Variants in SLC25A21 observed in about 807,000 individuals in gnomAD.
SLC25A21 encodes solute carrier family 25 member 21.
SLC25A21 carries 47 observed loss-of-function variants against 43.8 expected under a neutral mutation model. The observed-to-expected ratio is 1.07, with a 90% CI of 0.85 to 1.37. The LOEUF is 1.37. Ranked by LOEUF, SLC25A21 falls within the 40% of genes most tolerant of loss-of-function variation. The probability of loss-of-function intolerance (pLI) is 0.00; values close to 1 mark genes in which losing one functional copy is unlikely to be tolerated. For missense variants in SLC25A21, 352 were observed against 350.2 expected, an observed-to-expected ratio of 1.00 and a Z score of -0.04; for synonymous variants, 131 against 121.3, an observed-to-expected ratio of 1.08 and a Z score of -0.52.
chr14:37,142,758 C>G (rs1055171768), intron 1 of SLC25A21, among the ~76,000 whole-genome samples: 2 of 152,066 alleles, frequency 1.3e-5, no homozygotes. Flanking sequence ...TAGAAATGTC[C>G]GTTTTTCTCC....
intron 1 of SLC25A21, among the ~76,000 whole-genome samples, chr14:37,163,962 T>C (rs1349525834): frequency 3.9e-5 from 6 of 152,218 alleles, no homozygotes; most frequent in African/African-American, 1.4e-4. Context: ...CCCTACTTGC[T>C]ATACTCTGAA....
At chr14:37,037,483 GA>G (rs1490817572) in intron 1 of SLC25A21, among the ~76,000 whole-genome samples, 3 of 152,208 alleles carry the variant, frequency 2.0e-5, no homozygotes, top group Non-Finnish European at 4.4e-5. Flanking sequence ...TCATATGGAA[GA>G]AGCCATTACT....
At chr14:36,985,072 A>G (rs1004681295) in intron 1 of SLC25A21, among the ~76,000 whole-genome samples, 1 of 151,588 alleles carries the variant, frequency 6.6e-6, no homozygotes, top group African/African-American at 2.4e-5. Context: ...AAACTATCAC[A>G]AGAACAAAAA....
chr14:36,765,743 C>T (rs1886389333), intron 3 of SLC25A21, among the ~76,000 whole-genome samples: 1 of 152,178 alleles, frequency 6.6e-6, no homozygotes, highest in African/African-American at 2.4e-5. Context: ...CATCTTGAAA[C>T]AAAGGATCAA....
intron 1 of SLC25A21, among the ~76,000 whole-genome samples, chr14:37,161,047 T>G (rs946039477): frequency 6.6e-6 from 1 of 151,138 alleles, no homozygotes; most frequent in African/African-American, 2.4e-5. Flanking sequence ...CAATGTCTCA[T>G]AGCAGAGTAG....
intron 1 of SLC25A21, among the ~76,000 whole-genome samples, chr14:37,044,890 T>C (rs142116576): frequency 1.2e-3 from 181 of 152,364 alleles, no homozygotes; most frequent in African/African-American, 4.3e-3. Flanking sequence ...CTGGACAAAA[T>C]TGCTCTAGAT....
At chr14:36,944,193 C>T (rs1383542334) in intron 1 of SLC25A21, among the ~76,000 whole-genome samples, 3 of 152,100 alleles carry the variant, frequency 2.0e-5, no homozygotes, top group African/African-American at 7.2e-5. Flanking sequence ...TATCCTGAAT[C>T]CTGTCGACAC....
intron 1 of SLC25A21, among the ~76,000 whole-genome samples, chr14:37,154,015 C>T (rs1185446702): frequency 6.6e-6 from 1 of 152,142 alleles, no homozygotes; most frequent in Non-Finnish European, 1.5e-5. Flanking sequence ...CACTCTATGA[C>T]CCAGTTTACT....
intron 2 of SLC25A21, among the ~76,000 whole-genome samples, chr14:36,858,191 T>C (rs1458185798): frequency 6.6e-6 from 1 of 152,086 alleles, no homozygotes; most frequent in East Asian, 1.9e-4. Context: ...TCCCCAGAAG[T>C]GAATGACCCA....
At chr14:36,917,490 A>C (rs1594691274) in intron 1 of SLC25A21, among the ~76,000 whole-genome samples, 1 of 152,128 alleles carries the variant, frequency 6.6e-6, no homozygotes, top group East Asian at 1.9e-4. Context: ...CTTTCCCACC[A>C]AATTTGGAGC....
intron 2 of SLC25A21, among the ~76,000 whole-genome samples, chr14:36,823,126 ATAAC>A (rs1209979715): frequency 6.6e-6 from 1 of 152,208 alleles, no homozygotes; most frequent in Non-Finnish European, 1.5e-5. Context: ...TTATGGGATA[ATAAC>A]TAACTACACT....
At chr14:36,707,767 CT>C (rs1481591669) in intron 7 of SLC25A21, among the ~76,000 whole-genome samples, 5 of 152,198 alleles carry the variant, frequency 3.3e-5, no homozygotes, top group Non-Finnish European at 7.3e-5. Flanking sequence ...CATTAGCATT[CT>C]TCAGTGGTGC....
intron 1 of SLC25A21, among the ~76,000 whole-genome samples, chr14:37,164,969 G>A (rs947789162): frequency 1.3e-5 from 2 of 152,194 alleles, no homozygotes; most frequent in African/African-American, 4.8e-5. Flanking sequence ...TGCAAGATTG[G>A]AAAACTTGTT....
At chr14:36,780,517 T>A (rs942656630) in intron 3 of SLC25A21, among the ~76,000 whole-genome samples, 5 of 152,058 alleles carry the variant, frequency 3.3e-5, no homozygotes, top group Non-Finnish European at 7.4e-5. Flanking sequence ...CCATAAGTTT[T>A]GGTGTGATGT....
At chr14:36,925,768 A>G (rs974317372) in intron 1 of SLC25A21, among the ~76,000 whole-genome samples, 11 of 152,062 alleles carry the variant, frequency 7.2e-5, no homozygotes, top group African/African-American at 2.7e-4. Flanking sequence ...AATTGCTTGA[A>G]CCCAGGGGGC....
At chr14:36,772,664 G>A (rs1480377546) in intron 3 of SLC25A21, among the ~76,000 whole-genome samples, 1 of 152,176 alleles carries the variant, frequency 6.6e-6, no homozygotes, top group Non-Finnish European at 1.5e-5. Context: ...AAGTACATAT[G>A]ATTCGAATTT....
chr14:37,018,910 G>A (rs1960922811), intron 1 of SLC25A21, among the ~76,000 whole-genome samples: 1 of 151,842 alleles, frequency 6.6e-6, no homozygotes, highest in Non-Finnish European at 1.5e-5. Context: ...TCAAAAAAAT[G>A]GTTTAAAAGA....
chr14:36,886,766 T>C (rs1352107226), intron 1 of SLC25A21, among the ~76,000 whole-genome samples: 3 of 152,200 alleles, frequency 2.0e-5, no homozygotes, highest in Non-Finnish European at 4.4e-5. Context: ...TGTAAGTCAA[T>C]TTCAGCTCAA....
chr14:37,118,253 C>T (rs1232530898), intron 1 of SLC25A21, among the ~76,000 whole-genome samples: 1 of 152,102 alleles, frequency 6.6e-6, no homozygotes, highest in Non-Finnish European at 1.5e-5. Context: ...GCATTTCTGA[C>T]AACTGATGGC....
Sources: allele counts gnomAD v4.1 joint callset (sites outside exome capture counted in the v4.1 genomes callset), GRCh38; gene constraint gnomAD v4.1.1; transcripts MANE v1.5; gene names NCBI Gene and HGNC (gene_info 2026-07-23, HGNC 2026-07-21).